The following GRIP1 variants were observed in gnomAD, a reference collection of about 807,000 sequenced individuals.
GRIP1 encodes the protein glutamate receptor-interacting protein 1.
GRIP1 carries 45 observed loss-of-function variants against 129.9 expected under a neutral mutation model. That is an observed-to-expected ratio of 0.35 (90% CI 0.27 to 0.44). The LOEUF (loss-of-function observed/expected upper bound fraction) is 0.44, where lower values mean the gene tolerates loss of function less well. Ranked by LOEUF, GRIP1 falls within the 20% of genes least tolerant of loss-of-function variation. GRIP1 has a pLI of 1.00. For missense variants in GRIP1, 1,196 were observed against 1,396.8 expected, an observed-to-expected ratio of 0.86 and a Z score of 2.29; for synonymous variants, 530 against 520.8, an observed-to-expected ratio of 1.02 and a Z score of -0.24.
intron 19 of GRIP1, among the ~76,000 whole-genome samples, chr12:66,386,528 G>A (rs1429633145): frequency 6.6e-6 from 1 of 152,144 alleles, no homozygotes; most frequent in Non-Finnish European, 1.5e-5. Context: ...CAGCTACTCG[G>A]GAGGCTGAGG....
chr12:66,635,893 A>T (rs1359392823), intron 1 of GRIP1, among the ~76,000 whole-genome samples: 1 of 152,188 alleles, frequency 6.6e-6, no homozygotes, highest in Non-Finnish European at 1.5e-5. Flanking sequence ...TGCAAACTAA[A>T]AACCATGGTA....
Position 66,675,404 on chromosome 12 carries a change from AC to A in GRIP1, c.55+3445del, listed in dbSNP as rs372643143. ...AAGCAGCAGAGTCACATCCCATATC[AC>A]CAGAGAAAGTGATTCTCTGCATATG... On this transcript the variant is annotated intron_variant, in intron 1 of 24. Coordinates refer to ENST00000359742, the MANE Select transcript of GRIP1 (RefSeq NM_001366722.1). 3.8e-3 allele frequency among the ~76,000 whole-genome samples: 573 copies of A among 152,296 alleles called. 4 individuals carry two copies. The highest frequency in any genetic ancestry group is 0.013 in the African/African-American group (546 of 41,552).
intron 1 of GRIP1, among the ~76,000 whole-genome samples, chr12:66,746,998 C>T (rs2036969424): frequency 6.6e-6 from 1 of 151,870 alleles, no homozygotes. Context: ...TGAGTTATGG[C>T]AATAATGGTG....
intron 1 of GRIP1, among the ~76,000 whole-genome samples, chr12:67,053,512 C>T (rs1307751025): frequency 2.0e-5 from 3 of 152,112 alleles, no homozygotes; most frequent in African/African-American, 7.2e-5. Flanking sequence ...CACTACAAAA[C>T]ATTCCTCTAC....
intron 7 of GRIP1, among the ~76,000 whole-genome samples, chr12:66,488,799 C>A (rs544522167): frequency 9.9e-5 from 15 of 152,002 alleles, no homozygotes; most frequent in Non-Finnish European, 2.1e-4. Flanking sequence ...TCACCACTGA[C>A]CCCCACAGAA....
intron 1 of GRIP1, among the ~76,000 whole-genome samples, chr12:66,693,238 G>A (rs549985347): frequency 3.3e-5 from 5 of 152,144 alleles, no homozygotes; most frequent in East Asian, 1.9e-4. Context: ...CTGTAAGTAC[G>A]CTCGTTTTGC....
intron 1 of GRIP1, among the ~76,000 whole-genome samples, chr12:66,912,508 T>C (rs994984647): frequency 9.2e-5 from 14 of 152,182 alleles, no homozygotes; most frequent in Admixed American, 8.5e-4. Context: ...TATTCAATTA[T>C]ATTTGATTCA....
intron 1 of GRIP1, among the ~76,000 whole-genome samples, chr12:66,933,741 T>A (rs534667608): frequency 1.3e-5 from 2 of 152,310 alleles, no homozygotes; most frequent in South Asian, 4.1e-4. Context: ...TGTTTATTCA[T>A]GTCAAGCTGG....
rs556787489 is a variant in GRIP1, at chr12:67,043,641, A to T, written c.58+25409T>A. On this transcript the variant is annotated intron_variant, in intron 1 of 1. Transcript: ENST00000643019. ...TTCTCACAGTTGGGGCATCATCATCATCTTATTCTCCCACCCCTTCTCCCA... is the reference window on the plus strand; with the variant it reads ...TTCTCACAGTTGGGGCATCATCATCTTCTTATTCTCCCACCCCTTCTCCCA... Among the ~76,000 whole-genome samples the T allele has an allele frequency of 1.8e-4, 27 of 152,142 alleles. No individual in the cohort carries two copies. The South Asian group carries it at 5.6e-3, about 32-fold the overall frequency.
At chr12:67,030,312 G>A (rs906078551) in intron 1 of GRIP1, among the ~76,000 whole-genome samples, 1 of 151,700 alleles carries the variant, frequency 6.6e-6, no homozygotes, top group Non-Finnish European at 1.5e-5. Flanking sequence ...TATTGCCATA[G>A]GGAAATATAA....
chr12:66,745,136 C>T (rs2036905977), intron 1 of GRIP1, among the ~76,000 whole-genome samples: 2 of 152,102 alleles, frequency 1.3e-5, no homozygotes, highest in Non-Finnish European at 2.9e-5. Flanking sequence ...GTAAAGCTGC[C>T]AAATTACCTC....
At chr12:66,821,843 A>G (rs968678908) in intron 1 of GRIP1, among the ~76,000 whole-genome samples, 1 of 152,172 alleles carries the variant, frequency 6.6e-6, no homozygotes, top group African/African-American at 2.4e-5. Context: ...ATCACACAAC[A>G]AAAAGTAGAG....
At chr12:66,694,612 C>T (rs1041200273) in intron 1 of GRIP1, among the ~76,000 whole-genome samples, 7 of 152,106 alleles carry the variant, frequency 4.6e-5, no homozygotes, top group Non-Finnish European at 8.8e-5. Context: ...GATTATGTTA[C>T]ATTATTAGTA....
intron 1 of GRIP1, among the ~76,000 whole-genome samples, chr12:66,928,694 T>C (rs376509448): frequency 3.9e-5 from 6 of 152,204 alleles, no homozygotes; most frequent in African/African-American, 7.2e-5. Context: ...GGTGTGGAAA[T>C]AGTGTCTGAA....
chr12:66,433,418 C>T (rs2058208590), intron 13 of GRIP1, among the ~76,000 whole-genome samples: 1 of 152,014 alleles, frequency 6.6e-6, no homozygotes, highest in South Asian at 2.1e-4. Context: ...TTAGAGATTC[C>T]AGAGAGGATC....
chr12:66,541,909 C>G lies in GRIP1; in HGVS notation c.178G>C (p.Glu60Gln). Reference protein sequence around the residue: ...GSTVVELMKKEGTTLGLTVSG... With the variant: ...GSTVVELMKKQGTTLGLTVSG... Reference sequence around the variant, plus strand: ...ACCGTCAGACCCAGGGTAGTGCCTTCCTTCTTCATCAGCTCGACGACTGTG... The same window carrying G: ...ACCGTCAGACCCAGGGTAGTGCCTTGCTTCTTCATCAGCTCGACGACTGTG... Residue 60 changes from glutamate to glutamine, a missense_variant, in exon 3 of 25, where the codon GAA (glutamate) becomes CAA (glutamine). This residue lies in a region of GRIP1 where 217 missense variants were observed against 224.8 expected (regional missense o/e 0.97). Transcript: ENST00000359742. The G allele has an allele frequency of 6.2e-7, 1 of 1,614,006 alleles. No homozygotes were observed. The highest frequency in any genetic ancestry group is 8.5e-7 in the Non-Finnish European group (1 of 1,179,868).
intron 1 of GRIP1, among the ~76,000 whole-genome samples, chr12:66,696,691 G>T (rs575621015): frequency 7.3e-5 from 11 of 151,454 alleles, no homozygotes; most frequent in African/African-American, 2.4e-4. Flanking sequence ...TGTAGTCCCA[G>T]CTACTTGGGA....
intron 1 of GRIP1, among the ~76,000 whole-genome samples, chr12:66,946,766 CG>C (rs1325489279): frequency 1.9e-4 from 1 of 5,290 alleles, no homozygotes; most frequent in African/African-American, 6.5e-4. Flanking sequence ...CAGCGGGGGT[CG>C]GGGGGTGGGG....
At chr12:66,841,820 T>C (rs1000913476) in intron 1 of GRIP1, among the ~76,000 whole-genome samples, 1 of 152,174 alleles carries the variant, frequency 6.6e-6, no homozygotes, top group Admixed American at 6.5e-5. Flanking sequence ...CTTTCACAAA[T>C]GCCTAGCACA....
Sources: allele counts gnomAD v4.1 joint callset (sites outside exome capture counted in the v4.1 genomes callset), GRCh38; gene constraint gnomAD v4.1.1; regional missense constraint gnomAD v4.1.1; transcripts MANE v1.5; gene names NCBI Gene and HGNC (gene_info 2026-07-23, HGNC 2026-07-21).